KCNN2: variants seen among roughly 807,000 people sequenced by gnomAD.
KCNN2 encodes potassium calcium-activated channel subfamily N member 2.
A neutral mutation model predicts 55.5 loss-of-function variants in KCNN2; 24 were observed. The ratio of observed to expected loss-of-function variants is 0.43; its 90% CI spans 0.31 to 0.61. The LOEUF is 0.61. Among genes scored for constraint, KCNN2 ranks in the 20% least tolerant of loss-of-function variants. The pLI is 0.08. For synonymous variants in KCNN2, 431 were observed against 336.1 expected (o/e 1.28, Z -3.09); for missense variants, 754 against 853.6 (o/e 0.88, Z 1.45).
chr5:114,173,249 A>C (rs1753072208), intron 1 of KCNN2, among the ~76,000 whole-genome samples: 1 of 151,744 alleles, frequency 6.6e-6, no homozygotes, highest in African/African-American at 2.4e-5. Flanking sequence ...TAGGTGTATG[A>C]ATTTGTTTCA....
chr5:114,091,813 G>C (rs975221997), intron 1 of KCNN2, among the ~76,000 whole-genome samples: 3 of 152,116 alleles, frequency 2.0e-5, no homozygotes, highest in African/African-American at 7.2e-5. Context: ...ACTATAATGA[G>C]AACAGCAATG....
intron 2 of KCNN2, among the ~76,000 whole-genome samples, chr5:114,303,616 A>G (rs1756211507): frequency 6.6e-6 from 1 of 152,218 alleles, no homozygotes; most frequent in South Asian, 2.1e-4. Context: ...AATAAATCTT[A>G]TAATCTTGTG....
At chr5:114,202,559 A>G (rs1032350805) in intron 1 of KCNN2, among the ~76,000 whole-genome samples, 4 of 118,326 alleles carry the variant, frequency 3.4e-5, no homozygotes, top group Non-Finnish European at 6.6e-5. Context: ...CCTAATATAT[A>G]TGTGTGTGTA....
At chr5:114,272,318 A>G (rs1329573215) in intron 2 of KCNN2, among the ~76,000 whole-genome samples, 2 of 150,300 alleles carry the variant, frequency 1.3e-5, no homozygotes, top group Non-Finnish European at 3.0e-5. Context: ...ACACACACAT[A>G]TATGTATGTA....
chr5:114,446,087 T>A (rs1447469363), intron 3 of KCNN2, among the ~76,000 whole-genome samples: 1 of 152,208 alleles, frequency 6.6e-6, no homozygotes, highest in Non-Finnish European at 1.5e-5. Flanking sequence ...GGTACAGTCT[T>A]CCTATGAACT....
At chr5:114,442,058 G>A (rs1480577100) in intron 3 of KCNN2, among the ~76,000 whole-genome samples, 1 of 151,942 alleles carries the variant, frequency 6.6e-6, no homozygotes, top group African/African-American at 2.4e-5. Flanking sequence ...AAATTAAAAA[G>A]AGAAAAAAGC....
chr5:114,293,454 T>G (rs1232398415), intron 2 of KCNN2, among the ~76,000 whole-genome samples: 1 of 152,210 alleles, frequency 6.6e-6, no homozygotes, highest in Admixed American at 6.5e-5. Flanking sequence ...GATAATCATG[T>G]GGTTTTTGTC....
chr5:114,316,128 T>C (rs1320926424), intron 2 of KCNN2, among the ~76,000 whole-genome samples: 1 of 152,312 alleles, frequency 6.6e-6, no homozygotes, highest in East Asian at 1.9e-4. Flanking sequence ...TGTTTTAGCA[T>C]ATCTTCCATC....
chr5:114,480,902 C>G (rs916630026), intron 5 of KCNN2, among the ~76,000 whole-genome samples: 1 of 152,132 alleles, frequency 6.6e-6, no homozygotes, highest in Non-Finnish European at 1.5e-5. Flanking sequence ...AAATCCACAG[C>G]CAGTATCATA....
At chr5:114,058,161 C>T (rs1750250603) in intron 1 of KCNN2, among the ~76,000 whole-genome samples, 2 of 152,052 alleles carry the variant, frequency 1.3e-5, no homozygotes, top group South Asian at 4.2e-4. Flanking sequence ...CAAGGCCTGG[C>T]ACCTTGAGCT....
At chr5:114,431,189 G>A (rs563952537) in intron 3 of KCNN2, among the ~76,000 whole-genome samples, 1 of 152,122 alleles carries the variant, frequency 6.6e-6, no homozygotes, top group South Asian at 2.1e-4. Context: ...TAAATGTTTG[G>A]GAGAATTCAC....
chr5:114,306,015 G>A (rs1276428787), intron 2 of KCNN2, among the ~76,000 whole-genome samples: 1 of 152,174 alleles, frequency 6.6e-6, no homozygotes, highest in Non-Finnish European at 1.5e-5. Flanking sequence ...CAACTGTAGT[G>A]AAACAGCATA....
intron 1 of KCNN2, among the ~76,000 whole-genome samples, chr5:114,180,029 T>A (rs1753208847): frequency 6.6e-6 from 1 of 152,190 alleles, no homozygotes; most frequent in African/African-American, 2.4e-5. Flanking sequence ...CTTCTATAGG[T>A]CAAGGGATAT....
chr5:114,375,197 C>T (rs2150053186), intron 2 of KCNN2, among the ~76,000 whole-genome samples: 1 of 151,972 alleles, frequency 6.6e-6, no homozygotes. Flanking sequence ...GAAACTATGC[C>T]CTAGCTTTGG....
intron 2 of KCNN2, among the ~76,000 whole-genome samples, chr5:114,252,519 T>A (rs1030351481): frequency 8.5e-5 from 13 of 152,148 alleles, no homozygotes; most frequent in Non-Finnish European, 2.9e-5. Context: ...TAAATGTTAT[T>A]ATATAAGATG....
At chr5:114,470,369 A>G (rs1459739595) in intron 4 of KCNN2, among the ~76,000 whole-genome samples, 1 of 152,180 alleles carries the variant, frequency 6.6e-6, no homozygotes, top group African/African-American at 2.4e-5. Context: ...TGCTGCCCTG[A>G]ACCACCAAGT....
intron 3 of KCNN2, among the ~76,000 whole-genome samples, chr5:114,431,439 T>C (rs537180739): frequency 6.6e-6 from 1 of 152,204 alleles, no homozygotes; most frequent in South Asian, 2.1e-4. Context: ...TGATGCCCCC[T>C]CTTTCATTTC....
intron 5 of KCNN2, among the ~76,000 whole-genome samples, chr5:114,485,132 T>C (rs932643043): frequency 2.0e-5 from 3 of 152,176 alleles, no homozygotes; most frequent in Non-Finnish European, 2.9e-5. Context: ...TGAAATCAAG[T>C]GCTATGTTCT....
In KCNN2 at chr5:114,496,088, A is replaced by G; in HGVS notation, c.2282A>G (p.Lys761Arg). ...FIEAQMESYD[K>R]HVTYNAERSR... ...GAGGCTCAGATGGAGAGCTACGACA[A>G]GCACGTCACTTACAATGCTGAGCGG... is the stretch of plus-strand genomic sequence containing the variant. Residue 761 changes from lysine to arginine, a missense_variant, in exon 8 of 8, where the codon AAG (lysine) becomes AGG (arginine). By Grantham distance (26) the Lys-to-Arg change is conservative. This residue lies in a region of KCNN2 where 164 missense variants were observed against 156.6 expected (regional missense o/e 1.05). Transcript: ENST00000673685. The G allele has an allele frequency of 1.2e-6, 2 of 1,614,066 alleles. No homozygotes were observed. The highest frequency in any genetic ancestry group is 1.1e-5 in the South Asian group (1 of 91,078).
Sources: gnomAD v4.1 joint callset for allele counts (sites outside exome capture counted in the v4.1 genomes callset) on GRCh38, gnomAD v4.1.1 for gene constraint, gnomAD v4.1.1 regional missense constraint, MANE v1.5 for transcripts, NCBI Gene and HGNC (gene_info 2026-07-23, HGNC 2026-07-21) for gene names.